CEP128: variants seen among roughly 807,000 people sequenced by gnomAD.
CEP128 encodes centrosomal protein 128kDa.
In CEP128, 132 loss-of-function variants were observed where a neutral mutation model predicts 156.7. The ratio of observed to expected loss-of-function variants is 0.84; its 90% confidence interval spans 0.73 to 0.97. The LOEUF (loss-of-function observed/expected upper bound fraction) is 0.97, where lower values mean the gene tolerates loss of function less well. Among genes scored for constraint, CEP128 ranks in the 50% least tolerant of loss-of-function variants. The pLI is 0.00. For missense variants in CEP128, 1,252 were observed against 1,281.9 expected (o/e 0.98, Z 0.36); for synonymous variants, 469 against 448.9 (o/e 1.04, Z -0.57).
intron 19 of CEP128, among the ~76,000 whole-genome samples, chr14:80,662,224 C>T (rs1158587759): frequency 1.3e-5 from 2 of 152,042 alleles, no homozygotes; most frequent in Non-Finnish European, 2.9e-5. Flanking sequence ...TTAGTTTATG[C>T]CATGAAAAGT....
chr14:80,703,047 A>G (rs1897127236), intron 19 of CEP128, among the ~76,000 whole-genome samples: 1 of 152,178 alleles, frequency 6.6e-6, no homozygotes, highest in Admixed American at 6.6e-5. Context: ...CTAATGAAAA[A>G]TAACAACTTC....
chr14:80,636,305 A>G (rs1269973522), intron 19 of CEP128, among the ~76,000 whole-genome samples: 1 of 152,226 alleles, frequency 6.6e-6, no homozygotes, highest in Non-Finnish European at 1.5e-5. Context: ...CCTAAAATTC[A>G]TTCCCTGCGC....
intron 19 of CEP128, among the ~76,000 whole-genome samples, chr14:80,583,944 C>T (rs913840796): frequency 6.6e-6 from 1 of 152,128 alleles, no homozygotes; most frequent in African/African-American, 2.4e-5. Context: ...AATGGTTTGG[C>T]TGAGATCACC....
Position 80,784,919 on chromosome 14 carries a change from A to G in CEP128, c.2187T>C (p.Ala729=), listed in dbSNP as rs765383565. 1 of 1,612,286 alleles carries G rather than the reference A, an allele frequency of 6.2e-7. No individual in the cohort carries two copies. Among genetic ancestry groups the G allele is most frequent in the South Asian group, 1.1e-5 (1 of 90,740 alleles). Residue 729 remains alanine (A), a synonymous_variant, in exon 15 of 25, where the codon GCT becomes GCC. Transcript: ENST00000555265. ...CCTTCAGAGTCCTGATATGATTCTC[A>G]GCCTCACTCTTTTCTTTCTTAAAGT... The part of the protein sequence containing the change: ...MKHFKKEKSE[A]ENHIRTLKAE...
intron 19 of CEP128, among the ~76,000 whole-genome samples, chr14:80,728,291 T>C (rs1483655671): frequency 2.0e-5 from 3 of 152,172 alleles, no homozygotes; most frequent in Non-Finnish European, 4.4e-5. Context: ...TGTTCCCACT[T>C]ATTAGTGAGA....
At chr14:80,672,311 A>G (rs1435922228) in intron 19 of CEP128, among the ~76,000 whole-genome samples, 1 of 151,022 alleles carries the variant, frequency 6.6e-6, no homozygotes, top group Admixed American at 6.6e-5. Flanking sequence ...ATAAGCCAAA[A>G]AAAAAAAAGG....
intron 19 of CEP128, among the ~76,000 whole-genome samples, chr14:80,733,830 C>G (rs1476072798): frequency 6.6e-6 from 1 of 152,094 alleles, no homozygotes; most frequent in Non-Finnish European, 1.5e-5. Context: ...AATAATCAAA[C>G]TTCAAATCCT....
intron 8 of CEP128, among the ~76,000 whole-genome samples, chr14:80,877,376 A>C (rs1427461045): frequency 6.6e-6 from 1 of 152,198 alleles, no homozygotes; most frequent in Non-Finnish European, 1.5e-5. Context: ...TGTTACACTG[A>C]CCTTTAAAAA....
intron 2 of CEP128, among the ~76,000 whole-genome samples, chr14:80,931,845 C>G (rs931408710): frequency 6.6e-6 from 1 of 152,204 alleles, no homozygotes; most frequent in African/African-American, 2.4e-5. Flanking sequence ...GAGCCAGGGC[C>G]TTCTTTCTCC....
intron 19 of CEP128, among the ~76,000 whole-genome samples, chr14:80,631,492 C>T (rs984098072): frequency 3.6e-4 from 54 of 152,072 alleles, no homozygotes; most frequent in African/African-American, 1.2e-3. Context: ...GTCTTACATA[C>T]CATTAATATG....
intron 19 of CEP128, among the ~76,000 whole-genome samples, chr14:80,644,002 A>G (rs1171874414): frequency 6.6e-6 from 1 of 152,188 alleles, no homozygotes; most frequent in Non-Finnish European, 1.5e-5. Flanking sequence ...CTCACATGAG[A>G]AAAGAGAGAG....
chr14:80,571,717 T>G (rs186300631), intron 20 of CEP128, among the ~76,000 whole-genome samples: 1 of 152,180 alleles, frequency 6.6e-6, no homozygotes, highest in Admixed American at 6.5e-5. Context: ...TATTTTGAAC[T>G]TGGTTGAAAA....
chr14:80,758,231 G>A (rs1899766785), intron 17 of CEP128, among the ~76,000 whole-genome samples: 1 of 152,084 alleles, frequency 6.6e-6, no homozygotes, highest in African/African-American at 2.4e-5. Context: ...TAAGAAGATA[G>A]CCTTAACCTG....
intron 8 of CEP128, among the ~76,000 whole-genome samples, chr14:80,890,618 G>T (rs528264934): frequency 3.9e-5 from 6 of 152,078 alleles, no homozygotes; most frequent in Non-Finnish European, 8.8e-5. Flanking sequence ...ACACACTGGG[G>T]CCTGTTGCAG....
At chr14:80,817,988 G>C (rs1405124117) in intron 13 of CEP128, among the ~76,000 whole-genome samples, 1 of 152,168 alleles carries the variant, frequency 6.6e-6, no homozygotes, top group African/African-American at 2.4e-5. Context: ...CTGATGAAGA[G>C]AGAGATAAAA....
intron 13 of CEP128, among the ~76,000 whole-genome samples, chr14:80,816,960 TA>T (rs34406388): frequency 0.55 from 79,320 of 144,236 alleles, 21,389 homozygotes; most frequent in Non-Finnish European, 0.56. Flanking sequence ...CGTTATTGTT[TA>T]AAAAAAAAAA....
At chr14:80,718,048 G>A (rs746340853) in intron 19 of CEP128, among the ~76,000 whole-genome samples, 7 of 152,022 alleles carry the variant, frequency 4.6e-5, no homozygotes, top group African/African-American at 7.2e-5. Context: ...GTTTGTTTTC[G>A]GTTTTTTGAA....
At chr14:80,702,221 C>T (rs1219330882) in intron 19 of CEP128, among the ~76,000 whole-genome samples, 2 of 151,992 alleles carry the variant, frequency 1.3e-5, no homozygotes, top group Non-Finnish European at 2.9e-5. Flanking sequence ...TTTCTAGTTT[C>T]GAAAATAGAG....
chr14:80,815,251 A>G (rs1220664237), intron 13 of CEP128, among the ~76,000 whole-genome samples: 1 of 152,216 alleles, frequency 6.6e-6, no homozygotes, highest in African/African-American at 2.4e-5. Flanking sequence ...TAAAAAGTGG[A>G]CAAAGAACAA....
Sources: gnomAD v4.1 joint callset for allele counts (sites outside exome capture counted in the v4.1 genomes callset) on GRCh38, gnomAD v4.1.1 for gene constraint, MANE v1.5 for transcripts, NCBI Gene and HGNC (gene_info 2026-07-23, HGNC 2026-07-21) for gene names.